Variants in RNF111 observed in about 807,000 individuals in gnomAD.
RNF111 encodes the protein ring finger protein 111.
A neutral mutation model predicts 95.1 loss-of-function variants in RNF111; 17 were observed. The ratio of observed to expected loss-of-function variants is 0.18; its 90% CI spans 0.12 to 0.27. The LOEUF is 0.27. Among genes scored for constraint, RNF111 ranks in the 10% least tolerant of loss-of-function variants. The pLI is 1.00. For missense variants in RNF111, 1,189 were observed against 1,210.4 expected (o/e 0.98, Z 0.26); for synonymous variants, 440 against 414.8 (o/e 1.06, Z -0.74).
chr15:58,998,089 G>A (rs1200429968), intron 1 of RNF111, among the ~76,000 whole-genome samples: 10 of 151,660 alleles, frequency 6.6e-5, no homozygotes. Flanking sequence ...ATTTTTAGTA[G>A]AGACGTGGTT....
chr15:59,041,164 A>G (rs574422971), intron 2 of RNF111, among the ~76,000 whole-genome samples: 6 of 152,220 alleles, frequency 3.9e-5, no homozygotes, highest in African/African-American at 1.2e-4. Flanking sequence ...AAGCTTCATC[A>G]TACTCCCTTG....
chr15:59,091,091 T>C lies in RNF111; in HGVS notation c.2676T>C (p.Asn892=). 2 of 1,610,544 alleles carry C rather than the reference T, an allele frequency of 1.2e-6. No homozygotes were observed. The highest frequency in any genetic ancestry group is 1.7e-6 in the Non-Finnish European group (2 of 1,177,490). The change falls in exon 12 of 14, where the codon AAT becomes AAC. Residue 892 remains asparagine (N), a synonymous_variant. Coordinates refer to ENST00000348370, the MANE Select transcript of RNF111 (RefSeq NM_017610.8). ...ELIHLEERLG[N]VNRGASQGTI... ...TTCATTTGGAAGAAAGATTAGGCAA[T>C]GTCAATCGTGGAGCATCCCAGGGGA... is the stretch of plus-strand genomic sequence containing the variant.
intron 1 of RNF111, among the ~76,000 whole-genome samples, chr15:59,013,468 A>AGT (rs1192377771): frequency 6.6e-6 from 1 of 152,222 alleles, no homozygotes; most frequent in Non-Finnish European, 1.5e-5. Flanking sequence ...AATCTAGGTT[A>AGT]GTGGAATGTT....
intron 7 of RNF111, among the ~76,000 whole-genome samples, chr15:59,080,077 T>C (rs545294679): frequency 4.8e-4 from 73 of 150,750 alleles, no homozygotes; most frequent in African/African-American, 1.7e-3. Flanking sequence ...AAAAATTTAG[T>C]GGTAATGTGG....
intron 6 of RNF111, among the ~76,000 whole-genome samples, chr15:59,068,460 G>T (rs1456620331): frequency 6.6e-6 from 1 of 151,708 alleles, no homozygotes; most frequent in Non-Finnish European, 1.5e-5. Flanking sequence ...ACAAAAATTA[G>T]CTGGGTGTGA....
At chr15:59,043,928 G>C (rs1287040766) in intron 2 of RNF111, among the ~76,000 whole-genome samples, 3 of 152,176 alleles carry the variant, frequency 2.0e-5, no homozygotes, top group African/African-American at 7.2e-5. Flanking sequence ...TTATTTTCTT[G>C]CAAGTCACTT....
chr15:59,061,164 A>G (rs571950330), intron 5 of RNF111, among the ~76,000 whole-genome samples: 4 of 152,288 alleles, frequency 2.6e-5, no homozygotes, highest in South Asian at 2.1e-4. Flanking sequence ...GAATATTCCA[A>G]AAACTTTTAT....
At chr15:59,053,862 A>G (rs1305091533) in intron 3 of RNF111, among the ~76,000 whole-genome samples, 1 of 129,030 alleles carries the variant, frequency 7.8e-6, no homozygotes, top group Non-Finnish European at 1.6e-5. Flanking sequence ...ACCCATTGTT[A>G]TATCTCTTAT....
Position 59,081,229 on chromosome 15 carries a change from C to T in RNF111, c.2242C>T (p.His748Tyr). 1 of 1,614,164 alleles carries T rather than the reference C, an allele frequency of 6.2e-7. No homozygotes were observed. ...ACCTCCAGCACAGAGACTGCATCCT[C>T]ATGAAGTGATGCAGAGGATGGAAGT... is the stretch of plus-strand genomic sequence containing the variant. The part of the protein sequence containing the change: ...TAPPAQRLHP[H>Y]EVMQRMEVQR... Residue 748 changes from histidine to tyrosine, a missense_variant, in exon 8 of 14, where the codon CAT becomes TAT. His to Tyr is a moderately conservative substitution (Grantham distance 83). Around this residue, in one of 2 missense-constraint regions of RNF111, gnomAD observed 1,024 missense variants for 925.9 expected, o/e 1.11. Transcript: ENST00000348370.
At chr15:59,073,518 C>T (rs2043034998) in intron 6 of RNF111, among the ~76,000 whole-genome samples, 2 of 152,034 alleles carry the variant, frequency 1.3e-5, no homozygotes, top group East Asian at 1.9e-4. Context: ...TTTCTTTGCT[C>T]CTCCGTCAGA....
At chr15:59,017,219 C>T (rs905081104) in intron 1 of RNF111, among the ~76,000 whole-genome samples, 12 of 151,476 alleles carry the variant, frequency 7.9e-5, no homozygotes, top group South Asian at 2.1e-4. Flanking sequence ...GGTTGGAAAC[C>T]GCTGCTGTGT....
chr15:59,047,130 CT>C (rs2041751230), intron 2 of RNF111, among the ~76,000 whole-genome samples: 1 of 151,968 alleles, frequency 6.6e-6, no homozygotes, highest in Non-Finnish European at 1.5e-5. Context: ...GCCAGGAATT[CT>C]TATAATTCAA....
chr15:59,078,329 C>G (rs1362978790), intron 7 of RNF111, among the ~76,000 whole-genome samples: 1 of 152,098 alleles, frequency 6.6e-6, no homozygotes, highest in African/African-American at 2.4e-5. Flanking sequence ...AACAACTGTA[C>G]TTGAAATGCT....
chr15:58,998,178 C>T (rs548321296), intron 1 of RNF111, among the ~76,000 whole-genome samples: 10 of 152,088 alleles, frequency 6.6e-5, no homozygotes, highest in Non-Finnish European at 1.0e-4. Context: ...GCTGGGATTA[C>T]AGGCATGAGC....
intron 1 of RNF111, among the ~76,000 whole-genome samples, chr15:59,009,177 C>G (rs1266209440): frequency 6.6e-6 from 1 of 152,074 alleles, no homozygotes; most frequent in Non-Finnish European, 1.5e-5. Context: ...CCAGGCTGGT[C>G]TTAAACTCTG....
At chr15:59,019,884 G>A (rs2040248598) in intron 1 of RNF111, among the ~76,000 whole-genome samples, 1 of 151,980 alleles carries the variant, frequency 6.6e-6, no homozygotes, top group African/African-American at 2.4e-5. Context: ...GCTTGAACCT[G>A]GGAGATGGAG....
chr15:59,054,314 G>A (rs2042116643), intron 3 of RNF111, among the ~76,000 whole-genome samples: 1 of 152,080 alleles, frequency 6.6e-6, no homozygotes, highest in African/African-American at 2.4e-5. Flanking sequence ...ACTAATCATA[G>A]TGGCCACTAA....
chr15:59,083,376 C>T (rs1346219257), intron 8 of RNF111, among the ~76,000 whole-genome samples: 1 of 151,686 alleles, frequency 6.6e-6, no homozygotes, highest in East Asian at 1.9e-4. Context: ...TGGCCCATCT[C>T]AAAATACAAA....
At chr15:59,067,868 A>G (rs1353012014) in intron 6 of RNF111, among the ~76,000 whole-genome samples, 3 of 152,212 alleles carry the variant, frequency 2.0e-5, no homozygotes, top group African/African-American at 4.8e-5. Context: ...TCTCATTTGC[A>G]GACCTGTAGC....
Sources: gnomAD v4.1 joint callset for allele counts (sites outside exome capture counted in the v4.1 genomes callset) on GRCh38, gnomAD v4.1.1 for gene constraint, gnomAD v4.1.1 regional missense constraint, MANE v1.5 for transcripts, NCBI Gene and HGNC (gene_info 2026-07-23, HGNC 2026-07-21) for gene names.